Variants in KIF20B observed in about 807,000 individuals in gnomAD.
KIF20B encodes the protein kinesin-like protein KIF20B.
A neutral mutation model predicts 232.5 loss-of-function variants in KIF20B; 188 were observed. The observed-to-expected ratio is 0.81, with a 90% CI of 0.72 to 0.91. KIF20B has a LOEUF of 0.91. Ranked by LOEUF, KIF20B falls within the 40% of genes least tolerant of loss-of-function variation. KIF20B has a pLI of 0.00. For missense variants in KIF20B, 2,154 were observed against 2,055.9 expected (o/e 1.05, Z -0.92); for synonymous variants, 712 against 683.0 (o/e 1.04, Z -0.66).
At chr10:89,715,304 A>G (rs555268773) in intron 8 of KIF20B, 122 bp downstream of exon 8, 2 of 661,714 alleles carry the variant, frequency 3.0e-6, no homozygotes, top group Admixed American at 3.2e-5. Flanking sequence ...ACATTAAGAG[A>G]AGAAGATAAT....
rs545530047 is a variant in KIF20B, at chr10:89,708,395, G to T, written c.148-772G>T. 2.4e-4 allele frequency among the ~76,000 whole-genome samples: 36 copies of T among 152,110 alleles called. 1 individual carries two copies. In the East Asian group the frequency reaches 4.1e-3, roughly 17 times the overall value. On this transcript the variant is annotated intron_variant, in intron 2 of 32. Transcript: ENST00000371728. ...CCTGGCTAATTTTGTATTTTTAGTTGAGATGGGGTTTCTCCATGTTGGTCA... is the reference window on the plus strand; with the variant it reads ...CCTGGCTAATTTTGTATTTTTAGTTTAGATGGGGTTTCTCCATGTTGGTCA...
intron 7 of KIF20B, among the ~76,000 whole-genome samples, chr10:89,714,387 G>A (rs1842895095): frequency 6.6e-6 from 1 of 152,058 alleles, no homozygotes; most frequent in African/African-American, 2.4e-5. Flanking sequence ...GCTGAAGCAG[G>A]AGAATCCTTG....
At chr10:89,760,018 T>C (rs954645441) in intron 27 of KIF20B, among the ~76,000 whole-genome samples, 19 of 152,088 alleles carry the variant, frequency 1.2e-4, no homozygotes, top group Non-Finnish European at 2.5e-4. Flanking sequence ...CAAGAAAAGA[T>C]TTAGTTTTCC....
Position 89,755,375 on chromosome 10 carries a change from TTTCC to T in KIF20B, c.4503+717_4503+720del, listed in dbSNP as rs538438563. The stretch of plus-strand genomic sequence containing the variant: ...AAAAACTGAAAGATTTCCTTCCTTC[TTTCC>T]TTCCTTCCTTCCTTGCTCCCTCCCT... On this transcript the variant is annotated intron_variant, in intron 26 of 32. Coordinates refer to ENST00000371728, the MANE Select transcript of KIF20B (RefSeq NM_001284259.2). Among the ~76,000 whole-genome samples, 869 of 150,962 alleles carry T rather than the reference TTTCC, an allele frequency of 5.8e-3. 3 individuals carry two copies. The highest frequency in any genetic ancestry group is 0.013 in the South Asian group (60 of 4,738).
chr10:89,746,754 A>G (rs1841919632), intron 23 of KIF20B, among the ~76,000 whole-genome samples: 2 of 152,242 alleles, frequency 1.3e-5, no homozygotes, highest in South Asian at 4.1e-4. Context: ...TTCCAGTACT[A>G]AAATTACAAA....
intron 31 of KIF20B, 28 bp downstream of exon 31, chr10:89,768,916 T>C: frequency 6.4e-7 from 1 of 1,559,460 alleles, no homozygotes; most frequent in Non-Finnish European, 8.7e-7. Flanking sequence ...TAAATGACCT[T>C]TTTTTGTTAG....
intron 25 of KIF20B, 57 bp from the exon 26 acceptor site, chr10:89,754,461 C>T: frequency 8.9e-7 from 1 of 1,127,994 alleles, no homozygotes; most frequent in Admixed American, 2.9e-5. Context: ...GTTATAGAAA[C>T]ATGTATTGAC....
At chr10:89,738,655 A>G (rs200886975) in intron 20 of KIF20B, 38 bp downstream of exon 20, 91 of 1,507,978 alleles carry the variant, frequency 6.0e-5, no homozygotes, top group Admixed American at 9.6e-5. Context: ...TAAAATACAC[A>G]AAGCATTCAT....
At position 89,745,978 on chromosome 10, in the gene KIF20B, C is replaced by T. The variant is rs367637604; in HGVS notation, c.4096+19C>T. ...TGCAAAGGTCAGGAACAAGTTTGTACTTCTGGAACCAGAAAAGTTCTCTTA... is the reference window on the plus strand; with the variant it reads ...TGCAAAGGTCAGGAACAAGTTTGTATTTCTGGAACCAGAAAAGTTCTCTTA... On this transcript the variant is annotated intron_variant, in intron 23 of 32. Coordinates refer to ENST00000371728, the MANE Select transcript of KIF20B (RefSeq NM_001284259.2). The T allele has an allele frequency of 4.5e-5, 71 of 1,589,570 alleles. No individual in the cohort carries two copies. The highest frequency in any genetic ancestry group is 6.1e-5 in the Non-Finnish European group (71 of 1,157,994).
intron 14 of KIF20B, among the ~76,000 whole-genome samples, 161 bp from the exon 15 acceptor site, chr10:89,724,859 C>CCCGCCT (rs1843145611): frequency 6.6e-6 from 1 of 152,178 alleles, no homozygotes; most frequent in South Asian, 2.1e-4. Flanking sequence ...AAGTGATCCA[C>CCCGCCT]CCGCCTCCGC....
At chr10:89,727,719 C>A in intron 16 of KIF20B, 137 bp from the exon 17 acceptor site, 2 of 715,640 alleles carry the variant, frequency 2.8e-6, no homozygotes, top group Non-Finnish European at 2.2e-6. Flanking sequence ...GTAGGGTGTG[C>A]TTCTAGTGCT....
intron 26 of KIF20B, among the ~76,000 whole-genome samples, chr10:89,757,040 G>GTATATGTATA (rs1842139624): frequency 9.0e-6 from 1 of 110,748 alleles, no homozygotes; most frequent in Non-Finnish European, 1.8e-5. Context: ...GTGTGTGTGT[G>GTATATGTATA]TATATATATA....
chr10:89,737,684 A>C lies in KIF20B; in HGVS notation c.2843A>C (p.His948Pro), dbSNP rs539858808. ...TATGATATTGCAATTGCTGAATTAC[A>C]TGTGCAGAAAAGTAAAAATCAAGAA... ...SNYDIAIAEL[H>P]VQKSKNQEQE... The change falls in exon 20 of 33, where the codon CAT (histidine) becomes CCT (proline). Residue 948 changes from histidine (H) to proline (P), a missense_variant. Coordinates refer to ENST00000371728, the MANE Select transcript of KIF20B (RefSeq NM_001284259.2). 7.4e-6 allele frequency: 12 copies of C among 1,613,198 alleles called. No homozygotes were observed. In the Admixed American group the frequency reaches 1.7e-4, roughly 22 times the overall value.
intron 26 of KIF20B, among the ~76,000 whole-genome samples, chr10:89,757,377 T>C (rs757435855): frequency 6.6e-6 from 1 of 151,966 alleles, no homozygotes; most frequent in Non-Finnish European, 1.5e-5. Context: ...CTTTTCGGGA[T>C]AGAAGCCCTT....
At chr10:89,749,730 G>A (rs1841987664) in intron 23 of KIF20B, among the ~76,000 whole-genome samples, 1 of 152,092 alleles carries the variant, frequency 6.6e-6, no homozygotes, top group Admixed American at 6.5e-5. Flanking sequence ...TATTGTGTAT[G>A]TATCCGTACT....
In KIF20B at chr10:89,760,508, A is replaced by G; in HGVS notation, c.4681-18A>G. The stretch of plus-strand genomic sequence containing the variant: ...TCAGGTTACAATGCCCTGTTGCTTT[A>G]ATATTTCCTTACTTTAGGAAACACA... On this transcript the variant is annotated intron_variant, in intron 27 of 32. Coordinates refer to ENST00000371728, the MANE Select transcript of KIF20B (RefSeq NM_001284259.2). 6.7e-7 allele frequency: 1 copy of G among 1,491,230 alleles called. No homozygotes were observed. The highest frequency in any genetic ancestry group is 1.4e-5 in the African/African-American group (1 of 72,480). 92.4% of individuals were successfully genotyped at this position (1,491,230 alleles called of 1,614,324 possible). A position where few individuals can be genotyped will look rare whatever the true frequency, so the allele number is the denominator to read the frequency against.
intron 11 of KIF20B, among the ~76,000 whole-genome samples, chr10:89,717,970 A>G (rs540180341): frequency 3.9e-5 from 6 of 152,218 alleles, no homozygotes; most frequent in Non-Finnish European, 7.3e-5. Flanking sequence ...TAGACACTGT[A>G]AATGAGAAGC....
At chr10:89,718,189 T>G (rs1461004837) in intron 11 of KIF20B, among the ~76,000 whole-genome samples, 1 of 152,138 alleles carries the variant, frequency 6.6e-6, no homozygotes, top group Non-Finnish European at 1.5e-5. Flanking sequence ...GTGGTTTTCT[T>G]TATAATTTAC....
chr10:89,708,590 G>T (rs1042108855), intron 2 of KIF20B, among the ~76,000 whole-genome samples: 3 of 151,250 alleles, frequency 2.0e-5, no homozygotes, highest in Non-Finnish European at 4.4e-5. Context: ...GCATTATTTT[G>T]TTTGAAAATG....
Sources: gnomAD v4.1 joint callset for allele counts (sites outside exome capture counted in the v4.1 genomes callset) on GRCh38, gnomAD v4.1.1 for gene constraint, MANE v1.5 for transcripts, NCBI Gene and HGNC (gene_info 2026-07-23, HGNC 2026-07-21) for gene names.